Variants in CCDC171 observed in about 807,000 individuals in gnomAD.
CCDC171 encodes coiled-coil domain-containing protein 171.
Under a neutral mutation model 168.2 loss-of-function variants are expected in CCDC171, and 177 were observed. The observed-to-expected ratio is 1.05, with a 90% CI of 0.93 to 1.19. The LOEUF is 1.19. Among genes scored for constraint, CCDC171 ranks in the 50% most tolerant of loss-of-function variants. The pLI, the probability that CCDC171 is intolerant of heterozygous loss-of-function variation, is 0.00. For synonymous variants in CCDC171, 687 were observed against 540.8 expected (o/e 1.27, Z -3.75); for missense variants, 1,991 against 1,539.0 (o/e 1.29, Z -4.91).
At chr9:15,838,310 C>G (rs998710673) in intron 21 of CCDC171, among the ~76,000 whole-genome samples, 1 of 152,134 alleles carries the variant, frequency 6.6e-6, no homozygotes, top group African/African-American at 2.4e-5. Context: ...CAGGTGAAAT[C>G]ATATTAAACC....
At chr9:15,889,262 A>G (rs1819877621) in intron 24 of CCDC171, among the ~76,000 whole-genome samples, 1 of 152,032 alleles carries the variant, frequency 6.6e-6, no homozygotes, top group South Asian at 2.1e-4. Context: ...AATAGGAAAA[A>G]TCCTGAACTG....
At chr9:16,072,931 T>A in the CCDC171 span, among the ~76,000 whole-genome samples, 3 of 152,234 alleles carry the variant, frequency 2.0e-5, no homozygotes, top group Admixed American at 6.5e-5. Flanking sequence ...TTCCTGCTAT[T>A]TCTTGAATAA....
the CCDC171 span, among the ~76,000 whole-genome samples, chr9:16,096,626 G>C: frequency 8.5e-4 from 129 of 152,214 alleles, no homozygotes; most frequent in African/African-American, 3.1e-3. Flanking sequence ...AGAAGAGAAA[G>C]TTTGAGGTAT....
chr9:15,889,964 G>A (rs7029410), intron 24 of CCDC171, among the ~76,000 whole-genome samples: 10,618 of 152,148 alleles, frequency 0.07, 849 homozygotes, highest in African/African-American at 0.19. Context: ...AAAGTTCTCT[G>A]CTTATTCTAG....
At chr9:16,068,773 G>C in the CCDC171 span, among the ~76,000 whole-genome samples, 273 of 151,922 alleles carry the variant, frequency 1.8e-3, 4 homozygotes, top group Non-Finnish European at 2.0e-3. Context: ...TATTCTGCCA[G>C]GATACGATGT....
At chr9:15,969,609 A>G (rs189127672) in intron 25 of CCDC171, among the ~76,000 whole-genome samples, 1 of 152,304 alleles carries the variant, frequency 6.6e-6, no homozygotes, top group Non-Finnish European at 1.5e-5. Context: ...AAGTATAAAG[A>G]TGTATCAAAA....
At chr9:16,099,760 A>T in the CCDC171 span, among the ~76,000 whole-genome samples, 2 of 152,238 alleles carry the variant, frequency 1.3e-5, no homozygotes, top group African/African-American at 2.4e-5. Flanking sequence ...CAACAAAGTC[A>T]TTTAACAAGG....
At chr9:16,011,633 G>T (rs1468654673) in intron 3 of CCDC171, among the ~76,000 whole-genome samples, 1 of 152,130 alleles carries the variant, frequency 6.6e-6, no homozygotes, top group African/African-American at 2.4e-5. Context: ...GTTAAAAATA[G>T]TGGAAATGTA....
At chr9:15,631,867 T>C (rs1270296352) in intron 7 of CCDC171, among the ~76,000 whole-genome samples, 10 of 152,168 alleles carry the variant, frequency 6.6e-5, no homozygotes, top group Non-Finnish European at 1.2e-4. Context: ...TGTTTCAATA[T>C]ATGCAAATCA....
intron 2 of CCDC171, among the ~76,000 whole-genome samples, chr9:15,567,594 C>T (rs2039853775): frequency 6.6e-6 from 1 of 151,994 alleles, no homozygotes; most frequent in Non-Finnish European, 1.5e-5. Context: ...AATGTCTTTC[C>T]ACTTGTTTAG....
intron 24 of CCDC171, among the ~76,000 whole-genome samples, chr9:15,882,320 C>G (rs913537298): frequency 2.0e-5 from 3 of 152,104 alleles, no homozygotes; most frequent in African/African-American, 7.2e-5. Flanking sequence ...GTTTGAGCTC[C>G]TTGCATATTC....
At chr9:15,643,276 A>T (rs73644686) in intron 7 of CCDC171, among the ~76,000 whole-genome samples, 3,247 of 152,138 alleles carry the variant, frequency 0.021, 118 homozygotes, top group African/African-American at 0.074. Flanking sequence ...GAGAAAACTG[A>T]CTTCAGTTCT....
At chr9:15,994,094 A>G (rs1024941411) in intron 3 of CCDC171, among the ~76,000 whole-genome samples, 1 of 152,226 alleles carries the variant, frequency 6.6e-6, no homozygotes, top group African/African-American at 2.4e-5. Flanking sequence ...CTATGTATAT[A>G]CCGAAAGGAT....
rs1367500395 is a variant in CCDC171, at chr9:15,987,146, C to T, written n.369-33443C>T. 2.0e-5 allele frequency among the ~76,000 whole-genome samples: 3 copies of T among 152,194 alleles called. No homozygotes were observed. The East Asian group carries it at 5.8e-4, about 29-fold the overall frequency. ...AAACTATTGAAAAAAATTTACTATA[C>T]ACAAATTTCAAACTTTTATACAGAA... On this transcript the variant is annotated intron_variant and non_coding_transcript_variant, in intron 3 of 9. Coordinates refer to the CCDC171 transcript ENST00000486641.
Position 15,846,610 on chromosome 9 carries a change from A to G in CCDC171, c.3268-92A>G, listed in dbSNP as rs1588825061. ...AATGACCCAAGTCTACTTCTCAGTC[A>G]GTCTGTATTCTTCTTTGTTTAATAG... On this transcript the variant is annotated intron_variant, in intron 21 of 25. Coordinates refer to ENST00000380701, the MANE Select transcript of CCDC171 (RefSeq NM_173550.4). 8 of 1,308,444 alleles carry G rather than the reference A, an allele frequency of 6.1e-6. No individual in the cohort carries two copies. In the East Asian group the frequency reaches 1.9e-4, roughly 31 times the overall value. The allele number at this position is 1,308,444 out of a possible 1,614,324, so 81.1% of individuals were successfully genotyped here. A position where few individuals can be genotyped will look rare whatever the true frequency, so the allele number is the denominator to read the frequency against.
In CCDC171 at chr9:15,874,325, A is replaced by C. The variant is rs1049867357; in HGVS notation, c.3469-207A>C. 9.2e-5 allele frequency among the ~76,000 whole-genome samples: 14 copies of C among 152,154 alleles called. 1 individual carries two copies. Among genetic ancestry groups the C allele is most frequent in the Admixed American group, 3.3e-4 (5 of 15,260 alleles). On this transcript the variant is annotated intron_variant, in intron 23 of 25. Coordinates refer to ENST00000380701, the MANE Select transcript of CCDC171 (RefSeq NM_173550.4). ...CTTCCCCTCCCTCATTTCAAGCAGG[A>C]GGATGCTTTTTCTTCTTAACATTCT...
intron 6 of CCDC171, among the ~76,000 whole-genome samples, chr9:15,610,347 C>A (rs1025042498): frequency 1.7e-4 from 25 of 147,534 alleles, no homozygotes; most frequent in Non-Finnish European, 4.5e-5. Flanking sequence ...TGGCTCATGC[C>A]TGTAATCCCA....
chr9:16,004,799 G>T (rs1253400632), intron 3 of CCDC171, among the ~76,000 whole-genome samples: 1 of 152,138 alleles, frequency 6.6e-6, no homozygotes, highest in Non-Finnish European at 1.5e-5. Flanking sequence ...GAAGGAGAGC[G>T]ATCAGCCCTT....
At chr9:15,874,103 A>G (rs1229206404) in intron 23 of CCDC171, among the ~76,000 whole-genome samples, 2 of 152,180 alleles carry the variant, frequency 1.3e-5, no homozygotes, top group Non-Finnish European at 2.9e-5. Flanking sequence ...TTCAAAGACT[A>G]GTACCTAATA....
Sources: allele counts gnomAD v4.1 joint callset (sites outside exome capture counted in the v4.1 genomes callset), GRCh38; gene constraint gnomAD v4.1.1; transcripts MANE v1.5; gene names NCBI Gene and HGNC (gene_info 2026-07-23, HGNC 2026-07-21).